The following ZNF518A variants were observed in gnomAD, a reference collection of about 807,000 sequenced individuals.
The protein encoded by ZNF518A is zinc finger protein 518A, also known as zinc finger protein 518.
A neutral mutation model predicts 102.7 loss-of-function variants in ZNF518A; 47 were observed. The ratio of observed to expected loss-of-function variants is 0.46; its 90% CI spans 0.36 to 0.58. The LOEUF (loss-of-function observed/expected upper bound fraction) is 0.58, where lower values mean the gene tolerates loss of function less well. Ranked by LOEUF, ZNF518A falls within the 20% of genes least tolerant of loss-of-function variation. The probability of loss-of-function intolerance (pLI) is 0.00; values close to 1 mark genes in which losing one functional copy is unlikely to be tolerated. For synonymous variants in ZNF518A, 652 were observed against 594.6 expected (o/e 1.10, Z -1.40); for missense variants, 1,793 against 1,699.8 (o/e 1.05, Z -0.96).
intron 3 of ZNF518A, among the ~76,000 whole-genome samples, 188 bp from the exon 4 acceptor site, chr10:96,155,138 G>A (rs996640109): frequency 6.6e-6 from 1 of 151,358 alleles, no homozygotes; most frequent in East Asian, 1.9e-4. Context: ...TGAACCTTCA[G>A]TATTCAGATT....
downstream of ZNF518A, among the ~76,000 whole-genome samples, chr10:96,165,703 A>G (rs782211054): frequency 1.4e-4 from 22 of 152,264 alleles, no homozygotes; most frequent in Non-Finnish European, 2.5e-4. Context: ...TCTATCCTCC[A>G]GCTGTTCCAT....
chr10:96,146,290 G>A (rs1436707721), intron 3 of ZNF518A, among the ~76,000 whole-genome samples: 2 of 152,080 alleles, frequency 1.3e-5, no homozygotes, highest in African/African-American at 4.8e-5. Flanking sequence ...CTGATTATTA[G>A]CTTTAGGATG....
intron 1 of ZNF518A, among the ~76,000 whole-genome samples, chr10:96,195,512 CA>C (rs1466339687): frequency 1.3e-5 from 2 of 152,214 alleles, no homozygotes; most frequent in African/African-American, 4.8e-5. Flanking sequence ...CATGCTACAA[CA>C]TGGATGAGTC....
rs1328261704 is a variant in ZNF518A, at chr10:96,189,541, G to A, written n.36-14033G>A. On this transcript the variant is annotated intron_variant and non_coding_transcript_variant, in intron 1 of 2. Transcript: ENST00000442635. ...GAACTAGGCCCTTTTGGTGTTTTACGAGTTTTTTCCTGTTTTTTGAAGGAT... is the reference window on the plus strand; with the variant it reads ...GAACTAGGCCCTTTTGGTGTTTTACAAGTTTTTTCCTGTTTTTTGAAGGAT... The A allele has an allele frequency of 6.1e-6, 4 of 655,670 alleles. No homozygotes were observed. The East Asian group carries it at 9.8e-5, about 16-fold the overall frequency. The allele number at this position is 655,670 out of a possible 1,614,324, so 40.6% of individuals were successfully genotyped here.
chr10:96,204,389 C>CT, downstream of ZNF518A: 1 of 1,009,120 alleles, frequency 9.9e-7, no homozygotes. Context: ...TGCTCAACAC[C>CT]TTTTAACACG....
At chr10:96,197,254 A>C (rs1368413120) in intron 1 of ZNF518A, among the ~76,000 whole-genome samples, 1 of 152,166 alleles carries the variant, frequency 6.6e-6, no homozygotes. Flanking sequence ...ATATATACTC[A>C]TAGAAAATCC....
At chr10:96,145,364 C>T (rs1436250211) in intron 3 of ZNF518A, among the ~76,000 whole-genome samples, 1 of 152,204 alleles carries the variant, frequency 6.6e-6, no homozygotes, top group African/African-American at 2.4e-5. Context: ...GCCACCGCTC[C>T]TGGTCGCATC....
chr10:96,200,505 G>A lies in ZNF518A; in HGVS notation n.36-3069G>A, dbSNP rs2083602647. On this transcript the variant is annotated intron_variant and non_coding_transcript_variant, in intron 1 of 2. Transcript: ENST00000442635. The surrounding 1 kb of genome is among the most constrained non-coding windows in gnomAD (Gnocchi z 4.3). ...ACAAATATTATTTTATTTGATTCTT[G>A]CAAGAAAGGATATATGCCTTCTTTG... 6.6e-6 allele frequency among the ~76,000 whole-genome samples: 1 copy of A among 151,972 alleles called. No individual in the cohort carries two copies. Among genetic ancestry groups the A allele is most frequent in the Admixed American group, 6.6e-5 (1 of 15,256 alleles).
In ZNF518A at chr10:96,156,848, T is replaced by A; in HGVS notation, c.526T>A (p.Leu176Ile). The change falls in exon 6 of 6, where the codon TTA becomes ATA. Residue 176 changes from leucine (L) to isoleucine (I), a missense_variant. By Grantham distance (5) the Leu-to-Ile change is conservative. Coordinates refer to ENST00000316045, the MANE Select transcript of ZNF518A (RefSeq NM_001330736.2). Reference sequence around the variant, plus strand: ...ACACAGACGAACCCATAGAAGCACTTTAGTAAAATGTGACATTTGTAACAA... The same window carrying A: ...ACACAGACGAACCCATAGAAGCACTATAGTAAAATGTGACATTTGTAACAA... ...KQHRRTHRST[L>I]VKCDICNNES... The A allele has an allele frequency of 6.2e-7, 1 of 1,613,836 alleles. No homozygotes were observed. Among genetic ancestry groups the A allele is most frequent in the Non-Finnish European group, 8.5e-7 (1 of 1,179,788 alleles).
chr10:96,182,425 T>A (rs1188103722), intron 1 of ZNF518A, among the ~76,000 whole-genome samples: 1 of 152,212 alleles, frequency 6.6e-6, no homozygotes. Context: ...TCAAAGGGAA[T>A]GCTTCCAGTT....
chr10:96,201,028 T>A, intron 1 of ZNF518A: 1 of 1,614,140 alleles, frequency 6.2e-7, no homozygotes, highest in Non-Finnish European at 8.5e-7. Flanking sequence ...TAGGGGCCCA[T>A]CCACAGTTGG....
rs1278567382 is a variant in ZNF518A at position 96,162,161 on chromosome 10, CTG to C, written c.*1389_*1390del. The C allele has an allele frequency of 1.7e-4, 29 of 166,960 alleles. No individual in the cohort carries two copies. Among genetic ancestry groups the C allele is most frequent in the African/African-American group, 5.1e-4 (21 of 41,542 alleles). The allele number at this position is 166,960 out of a possible 1,614,324, so 10.3% of individuals were successfully genotyped here. On this transcript the variant is annotated 3_prime_UTR_variant, in exon 6 of 6. Coordinates refer to ENST00000316045, the MANE Select transcript of ZNF518A (RefSeq NM_001330736.2). ...CTTTTCTGTATATAACAAATTAAGTCTGTACATATTTTTGTACCTTTTATGTA... is the reference window on the plus strand; with the variant it reads ...CTTTTCTGTATATAACAAATTAAGTCTACATATTTTTGTACCTTTTATGTA...
rs1446480741 is a variant in ZNF518A, at chr10:96,188,164, C to T, written n.36-15410C>T. Among the ~76,000 whole-genome samples the T allele has an allele frequency of 5.9e-5, 9 of 152,220 alleles. No homozygotes were observed. The South Asian group carries it at 1.4e-3, about 25-fold the overall frequency. ...CATGCCCAGCCTCTTAAAGACTTTT[C>T]TAATCTCATCAAGAATACCACTTGC... On this transcript the variant is annotated intron_variant and non_coding_transcript_variant, in intron 1 of 2. Coordinates refer to the ZNF518A transcript ENST00000442635.
intron 1 of ZNF518A, among the ~76,000 whole-genome samples, chr10:96,175,362 C>A (rs2083196910): frequency 6.6e-6 from 1 of 152,130 alleles, no homozygotes; most frequent in South Asian, 2.1e-4. Context: ...GTCCTGATTG[C>A]CAGCTGGGTG....
intron 1 of ZNF518A, among the ~76,000 whole-genome samples, chr10:96,197,328 A>G (rs1425343660): frequency 1.3e-5 from 2 of 152,104 alleles, no homozygotes; most frequent in Non-Finnish European, 2.9e-5. Context: ...ATTTTTAGAA[A>G]CAGTCTCACT....
downstream of ZNF518A, among the ~76,000 whole-genome samples, chr10:96,168,502 C>T (rs1474967762): frequency 6.7e-6 from 1 of 149,996 alleles, no homozygotes; most frequent in Non-Finnish European, 1.5e-5. Context: ...TAGCTTTATA[C>T]TCCCTTTAGC....
downstream of ZNF518A, among the ~76,000 whole-genome samples, chr10:96,165,334 C>G (rs2083121919): frequency 2.0e-5 from 3 of 152,182 alleles, no homozygotes; most frequent in African/African-American, 7.2e-5. Flanking sequence ...TCTTAAACTC[C>G]TGACCTCAAG....
chr10:96,162,375 AT>A lies in ZNF518A; in HGVS notation c.*1603del, dbSNP rs1415938554. ...ATTCGTTCTTCAGGGATTGAACACT[AT>A]TGTTAGCAAGTGCCTAAAAAAGATG... is the stretch of plus-strand genomic sequence containing the variant. On this transcript the variant is annotated 3_prime_UTR_variant, in exon 6 of 6. Transcript: ENST00000316045. 2.4e-5 allele frequency: 4 copies of A among 166,910 alleles called. No individual in the cohort carries two copies. Among genetic ancestry groups the A allele is most frequent in the African/African-American group, 9.7e-5 (4 of 41,442 alleles). The allele number at this position is 166,910 out of a possible 1,614,324, so 10.3% of individuals were successfully genotyped here.
chr10:96,196,443 T>C (rs782175182), intron 1 of ZNF518A, among the ~76,000 whole-genome samples: 1 of 152,190 alleles, frequency 6.6e-6, no homozygotes, highest in Non-Finnish European at 1.5e-5. Flanking sequence ...TCCAGGCCCA[T>C]AAGCTCATTC....
Sources: gnomAD v4.1 joint callset for allele counts (sites outside exome capture counted in the v4.1 genomes callset) on GRCh38, gnomAD v4.1.1 for gene constraint, Gnocchi (gnomAD v3.1) non-coding constraint, MANE v1.5 for transcripts, NCBI Gene and HGNC (gene_info 2026-07-23, HGNC 2026-07-21) for gene names.